SCUBE2: variants seen among roughly 807,000 people sequenced by gnomAD.
SCUBE2 encodes signal peptide, CUB and EGF-like domain-containing protein 2.
SCUBE2 carries 114 observed loss-of-function variants against 125.9 expected under a neutral mutation model. That is an observed-to-expected ratio of 0.91 (90% CI 0.78 to 1.06). The LOEUF (loss-of-function observed/expected upper bound fraction) is 1.06. SCUBE2 is among the 50% of genes least tolerant of loss of function. SCUBE2 has a pLI of 0.00. For synonymous variants in SCUBE2, 459 were observed against 492.9 expected (o/e 0.93, Z 0.91); for missense variants, 1,255 against 1,301.8 (o/e 0.96, Z 0.55).
At chr11:9,027,977 T>C (rs771164189) in intron 19 of SCUBE2, among the ~76,000 whole-genome samples, 16 of 152,180 alleles carry the variant, frequency 1.1e-4, no homozygotes, top group Non-Finnish European at 1.3e-4. Context: ...TCAGAGAACT[T>C]TGATGAAGAC....
chr11:9,076,916 G>GCAAGACTCAAGGTGAGCAGGAGA (rs1406196073), intron 3 of SCUBE2, among the ~76,000 whole-genome samples: 15 of 152,156 alleles, frequency 9.9e-5, no homozygotes, highest in Admixed American at 9.8e-4. Flanking sequence ...GTGTTCCACA[G>GCAAGACTCAAGGTGAGCAGGAGA]CAAGACTCAA....
chr11:9,073,391 C>G (rs2135813391), intron 4 of SCUBE2, among the ~76,000 whole-genome samples: 1 of 152,278 alleles, frequency 6.6e-6, no homozygotes, highest in East Asian at 1.9e-4. Context: ...AGCCATCAAA[C>G]CCATTGGCCC....
chr11:9,060,165 T>C (rs190776866), intron 8 of SCUBE2, among the ~76,000 whole-genome samples: 356 of 152,354 alleles, frequency 2.3e-3, no homozygotes, highest in Admixed American at 3.7e-3. Flanking sequence ...AATGAATTAT[T>C]TGATGCTTGT....
chr11:9,032,385 C>T (rs372990556), intron 17 of SCUBE2, among the ~76,000 whole-genome samples: 2 of 152,108 alleles, frequency 1.3e-5, no homozygotes, highest in Non-Finnish European at 2.9e-5. Context: ...ATCCTGAACC[C>T]AAAGTGCTAG....
chr11:9,069,607 A>T, intron 4 of SCUBE2, 112 bp from the exon 5 acceptor site: 1 of 1,361,628 alleles, frequency 7.3e-7, no homozygotes, highest in East Asian at 2.3e-5. Flanking sequence ...TTAGGTCTCC[A>T]TCAGCCCCAC....
rs374515295 is a variant in SCUBE2 at position 9,027,449 on chromosome 11, G to T, written c.2616C>A (p.Pro872=). The change falls in exon 20 of 23, where the codon CCC becomes CCA. Residue 872 remains proline (P), a synonymous_variant. Coordinates refer to ENST00000649792, the MANE Select transcript of SCUBE2 (RefSeq NM_001367977.2). The part of the protein sequence containing the change: ...TECTWTINPP[P]KRRILIVVPE... Reference sequence around the variant, plus strand: ...GGACCACGATCAGGATGCGGCGCTTGGGGGGTGGGTTGATGGTCCACGTAC... The same window carrying T: ...GGACCACGATCAGGATGCGGCGCTTTGGGGGTGGGTTGATGGTCCACGTAC... The T allele has an allele frequency of 1.2e-6, 2 of 1,614,012 alleles. No homozygotes were observed. Among genetic ancestry groups the T allele is most frequent in the Non-Finnish European group, 1.7e-6 (2 of 1,179,956 alleles).
At chr11:9,062,836 A>C (rs1255646373) in intron 7 of SCUBE2, among the ~76,000 whole-genome samples, 1 of 151,034 alleles carries the variant, frequency 6.6e-6, no homozygotes, top group Non-Finnish European at 1.5e-5. Flanking sequence ...AAGAATAAAA[A>C]TACAAGGGAG....
chr11:9,075,624 C>T (rs189730171), intron 3 of SCUBE2, among the ~76,000 whole-genome samples: 2 of 152,310 alleles, frequency 1.3e-5, no homozygotes, highest in East Asian at 3.9e-4. Context: ...AGCTGGGAAC[C>T]ACTAGAGTAG....
At chr11:9,057,962 A>G (rs1215572436) in intron 9 of SCUBE2, among the ~76,000 whole-genome samples, 1 of 152,174 alleles carries the variant, frequency 6.6e-6, no homozygotes, top group Non-Finnish European at 1.5e-5. Context: ...AAAATAGAAA[A>G]CAGCTTTCCC....
chr11:9,082,197 G>A (rs1156368697), intron 2 of SCUBE2, among the ~76,000 whole-genome samples: 1 of 152,108 alleles, frequency 6.6e-6, no homozygotes, highest in Admixed American at 6.5e-5. Flanking sequence ...GATTTTTAAT[G>A]TTGAACATTA....
chr11:9,086,080 T>C (rs1862045281), intron 2 of SCUBE2, among the ~76,000 whole-genome samples: 1 of 152,198 alleles, frequency 6.6e-6, no homozygotes, highest in Non-Finnish European at 1.5e-5. Context: ...GGTATCCTCC[T>C]GCCTCAGCCG....
chr11:9,032,224 C>T (rs1856370824), intron 17 of SCUBE2, among the ~76,000 whole-genome samples: 2 of 151,880 alleles, frequency 1.3e-5, no homozygotes, highest in Admixed American at 1.3e-4. Context: ...CTTAAGCTGT[C>T]CCTGCACCTC....
In SCUBE2 at chr11:9,060,426, C is replaced by G. The variant is rs775838418; in HGVS notation, c.949G>C (p.Asp317His). The G allele has an allele frequency of 6.2e-7, 1 of 1,613,870 alleles. No individual in the cohort carries two copies. The highest frequency in any genetic ancestry group is 1.3e-5 in the African/African-American group (1 of 74,936). The change falls in exon 8 of 23, where the codon GAT becomes CAT. Residue 317 changes from aspartate (D) to histidine (H), a missense_variant. Asp to His is a moderately conservative substitution (Grantham distance 81). This residue lies in a region of SCUBE2 where 378 missense variants were observed against 463.1 expected (regional missense o/e 0.82). Coordinates refer to ENST00000649792, the MANE Select transcript of SCUBE2 (RefSeq NM_001367977.2). ...AGGCTACCTTTACATGTCTTCCCATCCAACTGGAGAGTGAATCCAACAGGA... is the reference window on the plus strand; with the variant it reads ...AGGCTACCTTTACATGTCTTCCCATGCAACTGGAGAGTGAATCCAACAGGA... ...SCPVGFTLQL[D>H]GKTCKDIDEC...
At chr11:9,021,830 G>C in intron 22 of SCUBE2, 46 bp downstream of exon 22, 1 of 1,391,782 alleles carries the variant, frequency 7.2e-7, no homozygotes, top group Non-Finnish European at 1.0e-6. Flanking sequence ...CAGTACTCGG[G>C]AAGCTCTGTG....
At chr11:9,061,622 T>TAAATATG in intron 7 of SCUBE2, among the ~76,000 whole-genome samples, 2 of 151,572 alleles carry the variant, frequency 1.3e-5, no homozygotes, top group South Asian at 4.2e-4. Context: ...TAATCCTAAT[T>TAAATATG]AAATATGCAG....
chr11:9,047,838 C>T, intron 15 of SCUBE2, 105 bp downstream of exon 15: 1 of 1,322,146 alleles, frequency 7.6e-7, no homozygotes, highest in East Asian at 2.3e-5. Context: ...GGAGATACTT[C>T]AGTGTTTGCA....
chr11:9,054,725 A>ATATATTT (rs1368153935), intron 10 of SCUBE2, among the ~76,000 whole-genome samples: 1 of 22,344 alleles, frequency 4.5e-5, no homozygotes, highest in African/African-American at 2.1e-4. Context: ...ATATATATAT[A>ATATATTT]TTTTTTTTTT....
chr11:9,041,565 C>A (rs1042316952), intron 16 of SCUBE2, among the ~76,000 whole-genome samples: 3 of 152,152 alleles, frequency 2.0e-5, no homozygotes, highest in Non-Finnish European at 4.4e-5. Flanking sequence ...GAGTGATCAG[C>A]AGAGAGGATG....
rs116708840 is a variant in SCUBE2, at chr11:9,026,744, A to G, written c.2701+620T>C. 645 of 153,314 alleles carry G rather than the reference A, an allele frequency of 4.2e-3. 6 individuals are homozygous for G. Among genetic ancestry groups the G allele is most frequent in the African/African-American group, 0.015 (623 of 41,554 alleles). 9.5% of individuals were successfully genotyped at this position (153,314 alleles called of 1,614,324 possible). On this transcript the variant is annotated intron_variant, in intron 20 of 22. Transcript: ENST00000649792. The stretch of plus-strand genomic sequence containing the variant: ...GGCCTATTCTAAGTGTTTCACATCT[A>G]TGAACTCCTTTAGCCCTTATAACCT...
Sources: allele counts gnomAD v4.1 joint callset (sites outside exome capture counted in the v4.1 genomes callset), GRCh38; gene constraint gnomAD v4.1.1; regional missense constraint gnomAD v4.1.1; transcripts MANE v1.5; gene names NCBI Gene and HGNC (gene_info 2026-07-23, HGNC 2026-07-21).